The following CTNNA3 variants were observed in gnomAD, a reference collection of about 807,000 sequenced individuals.
CTNNA3 encodes the protein catenin alpha 3.
CTNNA3 carries 76 observed loss-of-function variants against 95.7 expected under a neutral mutation model. That is an observed-to-expected ratio of 0.79 (90% CI 0.66 to 0.96). The LOEUF (loss-of-function observed/expected upper bound fraction) is 0.96, where lower values mean the gene tolerates loss of function less well. Among genes scored for constraint, CTNNA3 ranks in the 40% least tolerant of loss-of-function variants. The probability of loss-of-function intolerance (pLI) is 0.00; values close to 1 mark genes in which losing one functional copy is unlikely to be tolerated. For missense variants in CTNNA3, 1,191 were observed against 1,089.8 expected (o/e 1.09, Z -1.31); for synonymous variants, 431 against 374.4 (o/e 1.15, Z -1.74).
rs890369774 is a variant in CTNNA3 at position 66,327,874 on chromosome 10, T to C, written c.1733-47253A>G. On this transcript the variant is annotated intron_variant, in intron 12 of 17. Coordinates refer to ENST00000433211, the MANE Select transcript of CTNNA3 (RefSeq NM_013266.4). ...TCTCATTTTATTATGTCACCTTGCATTATAACTAAGATGTTATCTCTGCTT... is the reference window on the plus strand; with the variant it reads ...TCTCATTTTATTATGTCACCTTGCACTATAACTAAGATGTTATCTCTGCTT... 2.0e-5 allele frequency among the ~76,000 whole-genome samples: 3 copies of C among 152,222 alleles called. No homozygotes were observed. The East Asian group carries it at 5.8e-4, about 29-fold the overall frequency.
intron 3 of CTNNA3, among the ~76,000 whole-genome samples, chr10:67,548,304 T>G (rs571502577): frequency 6.6e-6 from 1 of 152,208 alleles, no homozygotes; most frequent in Non-Finnish European, 1.5e-5. Flanking sequence ...CTATGCTCCA[T>G]GTACAATCTG....
intron 9 of CTNNA3, among the ~76,000 whole-genome samples, chr10:66,667,153 G>C (rs1846482419): frequency 6.6e-6 from 1 of 151,486 alleles, no homozygotes; most frequent in Admixed American, 6.6e-5. Flanking sequence ...AGTGTGTTTG[G>C]TTGGTTAGAT....
chr10:67,097,740 C>T (rs1858096685), intron 7 of CTNNA3: 1 of 1,612,498 alleles, frequency 6.2e-7, no homozygotes, highest in Admixed American at 1.7e-5. Flanking sequence ...TGAGCTGGAC[C>T]TGAGCACAAT....
chr10:66,868,372 TA>T (rs71035195), intron 7 of CTNNA3, among the ~76,000 whole-genome samples: 4 of 143,118 alleles, frequency 2.8e-5, no homozygotes, highest in Admixed American at 7.0e-5. Flanking sequence ...TCGCAAAAAT[TA>T]AAAAAAAAAT....
At chr10:66,511,653 T>C (rs1290640697) in intron 11 of CTNNA3, among the ~76,000 whole-genome samples, 1 of 151,918 alleles carries the variant, frequency 6.6e-6, no homozygotes, top group African/African-American at 2.4e-5. Context: ...TGTTTAATTT[T>C]TATGTATTTT....
chr10:67,275,952 G>C (rs1184401875), intron 5 of CTNNA3, among the ~76,000 whole-genome samples: 1 of 152,094 alleles, frequency 6.6e-6, no homozygotes, highest in Non-Finnish European at 1.5e-5. Flanking sequence ...GAATGGCACT[G>C]AGCATAGTTG....
At chr10:65,978,614 C>T (rs895552183) in intron 16 of CTNNA3, among the ~76,000 whole-genome samples, 8 of 152,092 alleles carry the variant, frequency 5.3e-5, no homozygotes. Flanking sequence ...CATGTAACTA[C>T]TGTGTTAGTC....
chr10:67,278,578 G>A (rs1340125221), intron 5 of CTNNA3, among the ~76,000 whole-genome samples: 1 of 152,182 alleles, frequency 6.6e-6, no homozygotes, highest in African/African-American at 2.4e-5. Context: ...GTTTTATTGT[G>A]CAGAGGACTC....
intron 10 of CTNNA3, among the ~76,000 whole-genome samples, chr10:66,612,403 C>A (rs2132288780): frequency 6.6e-6 from 1 of 152,254 alleles, no homozygotes; most frequent in Non-Finnish European, 1.5e-5. Flanking sequence ...TAAACCAAAT[C>A]TATGAAACTG....
intron 13 of CTNNA3, among the ~76,000 whole-genome samples, chr10:66,197,827 C>T (rs1256103917): frequency 1.3e-5 from 2 of 152,032 alleles, no homozygotes; most frequent in Non-Finnish European, 2.9e-5. Context: ...TTCATGTAAG[C>T]CTCCAGGCTT....
At chr10:67,535,834 A>C (rs1323646131) in intron 4 of CTNNA3, among the ~76,000 whole-genome samples, 3 of 152,166 alleles carry the variant, frequency 2.0e-5, no homozygotes, top group Non-Finnish European at 2.9e-5. Context: ...TGATGATAAA[A>C]TAATTCATCT....
At chr10:66,451,014 T>G (rs758379435) in intron 11 of CTNNA3, among the ~76,000 whole-genome samples, 12 of 152,092 alleles carry the variant, frequency 7.9e-5, no homozygotes, top group Non-Finnish European at 1.0e-4. Context: ...AACTTAACAA[T>G]AGTAGATATC....
intron 13 of CTNNA3, among the ~76,000 whole-genome samples, chr10:66,124,922 C>T (rs1281030655): frequency 1.3e-5 from 2 of 152,128 alleles, no homozygotes; most frequent in Non-Finnish European, 2.9e-5. Flanking sequence ...TTGGAGGGGA[C>T]ACAGCCAAAC....
intron 9 of CTNNA3, among the ~76,000 whole-genome samples, chr10:66,712,579 C>G (rs1244299101): frequency 6.6e-6 from 1 of 151,758 alleles, no homozygotes; most frequent in Non-Finnish European, 1.5e-5. Flanking sequence ...CTTAATCGCT[C>G]TCACTCTCTC....
chr10:67,500,115 G>T (rs966045510), intron 5 of CTNNA3, among the ~76,000 whole-genome samples: 1 of 152,166 alleles, frequency 6.6e-6, no homozygotes, highest in South Asian at 2.1e-4. Context: ...GTGTCCCAGG[G>T]ATTCTTGTAT....
At chr10:66,257,388 G>A (rs1212405397) in intron 13 of CTNNA3, among the ~76,000 whole-genome samples, 1 of 152,164 alleles carries the variant, frequency 6.6e-6, no homozygotes, top group East Asian at 1.9e-4. Context: ...TAAAATGGAA[G>A]GCTATTCCTT....
chr10:67,187,784 C>T (rs1862927378), intron 6 of CTNNA3, among the ~76,000 whole-genome samples: 1 of 152,130 alleles, frequency 6.6e-6, no homozygotes, highest in Non-Finnish European at 1.5e-5. Context: ...TGGGGTTTCA[C>T]CATGTTGCCC....
intron 7 of CTNNA3, among the ~76,000 whole-genome samples, chr10:66,878,706 C>A (rs987965161): frequency 1.3e-5 from 2 of 152,094 alleles, no homozygotes; most frequent in African/African-American, 4.8e-5. Flanking sequence ...GCTGGCCCTG[C>A]AGTCACCACA....
rs372256553 is a variant in CTNNA3 at position 66,095,743 on chromosome 10, G to C, written c.1977+7414C>G. On this transcript the variant is annotated intron_variant, in intron 14 of 17. Transcript: ENST00000433211. ...AACCATCGCAAGTATTTTAAGATTT[G>C]ATATGCTCCAGTTCATCTGTTGCTA... Among the ~76,000 whole-genome samples the C allele has an allele frequency of 3.5e-3, 539 of 152,044 alleles. 2 individuals are homozygous for C. Among genetic ancestry groups the C allele is most frequent in the African/African-American group, 0.013 (521 of 41,494 alleles).
Sources: allele counts gnomAD v4.1 joint callset (sites outside exome capture counted in the v4.1 genomes callset), GRCh38; gene constraint gnomAD v4.1.1; transcripts MANE v1.5; gene names NCBI Gene and HGNC (gene_info 2026-07-23, HGNC 2026-07-21).